The following SH3BGRL2 variants were observed in gnomAD, a reference collection of about 807,000 sequenced individuals.
SH3BGRL2 encodes SH3 domain-binding glutamic acid-rich-like protein 2.
Under a neutral mutation model 14.8 loss-of-function variants are expected in SH3BGRL2, and 21 were observed. The ratio of observed to expected loss-of-function variants is 1.42; its 90% CI spans 1.01 to 2.05. The LOEUF (loss-of-function observed/expected upper bound fraction) is 2.05. Among genes scored for constraint, SH3BGRL2 ranks in the 30% most tolerant of loss-of-function variants. The pLI is 0.00. For synonymous variants in SH3BGRL2, 50 were observed against 47.8 expected (o/e 1.05, Z -0.19); for missense variants, 147 against 130.8 (o/e 1.12, Z -0.61).
chr6:79,616,959 G>C, the SH3BGRL2 span, among the ~76,000 whole-genome samples: 1 of 152,132 alleles, frequency 6.6e-6, no homozygotes, highest in East Asian at 1.9e-4. Context: ...AGGCCAAGGC[G>C]GGCAGATCAC....
the SH3BGRL2 span, among the ~76,000 whole-genome samples, chr6:79,538,054 T>A: frequency 3.1e-5 from 4 of 129,610 alleles, no homozygotes; most frequent in Non-Finnish European, 4.8e-5. Flanking sequence ...TTTTTTTTTT[T>A]AAGGAACGTT....
chr6:79,657,342 A>C (rs886739645), intron 1 of SH3BGRL2, among the ~76,000 whole-genome samples: 31 of 152,156 alleles, frequency 2.0e-4, no homozygotes, highest in African/African-American at 7.5e-4. Flanking sequence ...GAAATAGGTA[A>C]GATATAAGCA....
At chr6:79,611,404 CTTT>C in the SH3BGRL2 span, among the ~76,000 whole-genome samples, 6 of 123,656 alleles carry the variant, frequency 4.9e-5, no homozygotes, top group Non-Finnish European at 5.0e-5. Flanking sequence ...CAGTATATAA[CTTT>C]TTTTTTTTTT....
At chr6:79,589,208 T>A in the SH3BGRL2 span, among the ~76,000 whole-genome samples, 493 of 79,662 alleles carry the variant, frequency 6.2e-3, 5 homozygotes, top group African/African-American at 0.012. Flanking sequence ...ATATATATAT[T>A]TTTTTTTTTT....
the SH3BGRL2 span, among the ~76,000 whole-genome samples, chr6:79,602,284 A>G: frequency 2.6e-5 from 4 of 152,354 alleles, no homozygotes; most frequent in East Asian, 3.9e-4. Flanking sequence ...AATAAAAAAT[A>G]TATAAATTAC....
chr6:79,698,901 A>T (rs1770386433), intron 3 of SH3BGRL2, among the ~76,000 whole-genome samples: 2 of 152,144 alleles, frequency 1.3e-5, no homozygotes, highest in African/African-American at 2.4e-5. Flanking sequence ...AGACCCCAAG[A>T]AGGGCCTGTC....
At chr6:79,598,204 A>G in the SH3BGRL2 span, among the ~76,000 whole-genome samples, 18,021 of 152,284 alleles carry the variant, frequency 0.12, 1,255 homozygotes, top group Non-Finnish European at 0.16. Context: ...GAGGTTAAAC[A>G]TAGAGTCACG....
the SH3BGRL2 span, among the ~76,000 whole-genome samples, chr6:79,578,943 AGAGAAGACCTTAAAT>A: frequency 5.3e-5 from 8 of 152,258 alleles, no homozygotes; most frequent in Admixed American, 2.6e-4. Flanking sequence ...TAAACAGTGT[AGAGAAGACCTTAAAT>A]GACCTGATGG....
chr6:79,596,693 T>G, the SH3BGRL2 span, among the ~76,000 whole-genome samples: 1 of 152,224 alleles, frequency 6.6e-6, no homozygotes, highest in African/African-American at 2.4e-5. Flanking sequence ...GGTGGCAGAC[T>G]GTATTCCCCA....
chr6:79,602,027 G>T, the SH3BGRL2 span, among the ~76,000 whole-genome samples: 1 of 152,074 alleles, frequency 6.6e-6, no homozygotes, highest in Non-Finnish European at 1.5e-5. Context: ...AGTAAAAAGG[G>T]AAACAGAAAC....
At chr6:79,577,082 T>C in the SH3BGRL2 span, among the ~76,000 whole-genome samples, 1 of 152,218 alleles carries the variant, frequency 6.6e-6, no homozygotes, top group Non-Finnish European at 1.5e-5. Flanking sequence ...TCTCTCTTTT[T>C]TGAAAAATAA....
At chr6:79,671,952 T>C (rs918005315) in intron 1 of SH3BGRL2, among the ~76,000 whole-genome samples, 2 of 152,248 alleles carry the variant, frequency 1.3e-5, no homozygotes, top group African/African-American at 4.8e-5. Context: ...GTTATTTGGG[T>C]GATTTGCTAT....
chr6:79,602,437 C>A, the SH3BGRL2 span, among the ~76,000 whole-genome samples: 1 of 152,126 alleles, frequency 6.6e-6, no homozygotes, highest in Non-Finnish European at 1.5e-5. Context: ...TGGAAGTATT[C>A]CTACGAAAGA....
chr6:79,597,671 A>C, the SH3BGRL2 span, among the ~76,000 whole-genome samples: 1 of 152,242 alleles, frequency 6.6e-6, no homozygotes, highest in Non-Finnish European at 1.5e-5. Context: ...GAAAGAAAAC[A>C]TAAGCAAAAA....
chr6:79,597,196 A>G, the SH3BGRL2 span, among the ~76,000 whole-genome samples: 1 of 149,918 alleles, frequency 6.7e-6, no homozygotes, highest in Non-Finnish European at 1.5e-5. Flanking sequence ...CACCACTGCA[A>G]TCCAGCCTGG....
chr6:79,599,824 A>G, the SH3BGRL2 span, among the ~76,000 whole-genome samples: 1 of 152,144 alleles, frequency 6.6e-6, no homozygotes, highest in African/African-American at 2.4e-5. Context: ...CCACTACAAC[A>G]AGACTAATAC....
At chr6:79,590,180 G>A in the SH3BGRL2 span, among the ~76,000 whole-genome samples, 2 of 151,884 alleles carry the variant, frequency 1.3e-5, no homozygotes, top group Non-Finnish European at 2.9e-5. Flanking sequence ...TGGAGAAAAG[G>A]GATGTTTATA....
the SH3BGRL2 span, among the ~76,000 whole-genome samples, chr6:79,566,911 A>G: frequency 1.3e-3 from 191 of 151,906 alleles, no homozygotes; most frequent in African/African-American, 4.1e-3. Context: ...AAAAAAAAAA[A>G]AAAGAAAGAA....
intron 2 of SH3BGRL2, among the ~76,000 whole-genome samples, chr6:79,679,497 T>G (rs1769949131): frequency 1.3e-5 from 2 of 152,166 alleles, no homozygotes; most frequent in Non-Finnish European, 2.9e-5. Flanking sequence ...AAATTCTGGA[T>G]ATTAGACCTT....
Sources: allele counts gnomAD v4.1 joint callset (sites outside exome capture counted in the v4.1 genomes callset), GRCh38; gene constraint gnomAD v4.1.1; transcripts MANE v1.5; gene names NCBI Gene and HGNC (gene_info 2026-07-23, HGNC 2026-07-21).